Variants in LRRTM4 observed in about 807,000 individuals in gnomAD.
The protein encoded by LRRTM4 is leucine rich repeat transmembrane neuronal 4.
A neutral mutation model predicts 47.6 loss-of-function variants in LRRTM4; 25 were observed. That is an observed-to-expected ratio of 0.53 (90% CI 0.38 to 0.73). The LOEUF is 0.73. Ranked by LOEUF, LRRTM4 falls within the 30% of genes least tolerant of loss-of-function variation. The pLI is 0.00. For missense variants in LRRTM4, 638 were observed against 713.4 expected (o/e 0.89, Z 1.20); for synonymous variants, 311 against 269.5 (o/e 1.15, Z -1.51).
At chr2:77,333,206 A>C (rs72915935) in intron 3 of LRRTM4, among the ~76,000 whole-genome samples, 9,789 of 152,230 alleles carry the variant, frequency 0.064, 486 homozygotes, top group African/African-American at 0.13. Flanking sequence ...TCTTAACAGC[A>C]GAGTGAAAGG....
intron 3 of LRRTM4, among the ~76,000 whole-genome samples, chr2:76,843,972 GCTCACTGCAAGCTCTGCCT>G: frequency 6.7e-6 from 1 of 150,258 alleles, no homozygotes; most frequent in Non-Finnish European, 1.5e-5. Flanking sequence ...CGTGATCTCG[GCTCACTGCAAGCTCTGCCT>G]CTCAGGTTCA....
At chr2:76,908,662 T>A (rs554748593) in intron 3 of LRRTM4, among the ~76,000 whole-genome samples, 2 of 152,036 alleles carry the variant, frequency 1.3e-5, no homozygotes, top group Non-Finnish European at 2.9e-5. Flanking sequence ...ACACAAAATC[T>A]CTGTACAAAA....
At chr2:77,492,582 C>T (rs1678210495) in intron 3 of LRRTM4, among the ~76,000 whole-genome samples, 1 of 151,938 alleles carries the variant, frequency 6.6e-6, no homozygotes, top group African/African-American at 2.4e-5. Flanking sequence ...CTAATTGGTG[C>T]TATTTCCAAG....
At chr2:77,269,161 T>C (rs1395855932) in intron 3 of LRRTM4, among the ~76,000 whole-genome samples, 2 of 152,202 alleles carry the variant, frequency 1.3e-5, no homozygotes, top group Non-Finnish European at 2.9e-5. Context: ...CTATGTTTAG[T>C]TTAGAATTTC....
chr2:77,425,182 A>C lies in LRRTM4; in HGVS notation c.1551+93136T>G, dbSNP rs549477812. Among the ~76,000 whole-genome samples the C allele has an allele frequency of 1.1e-4, 16 of 152,176 alleles. No individual in the cohort carries two copies. In the East Asian group the frequency reaches 2.9e-3, roughly 28 times the overall value. On this transcript the variant is annotated intron_variant, in intron 3 of 3. Transcript: ENST00000409884. ...TTTTATTCATTCAGAGTAAACCAAC[A>C]TCTGAAAATTAAGGACCAAGTTAGA...
intron 3 of LRRTM4, among the ~76,000 whole-genome samples, chr2:77,375,532 A>T (rs1443752454): frequency 2.6e-5 from 4 of 151,830 alleles, no homozygotes; most frequent in African/African-American, 9.7e-5. Flanking sequence ...TGTATAGCAG[A>T]TCTCTAGAAC....
intron 3 of LRRTM4, among the ~76,000 whole-genome samples, chr2:76,979,525 G>A (rs1676526226): frequency 2.1e-5 from 2 of 94,942 alleles, no homozygotes; most frequent in African/African-American, 7.0e-5. Context: ...AATTCAGACT[G>A]CAAAACTGAA....
intron 3 of LRRTM4, among the ~76,000 whole-genome samples, chr2:77,234,182 G>C (rs1339459395): frequency 6.6e-6 from 1 of 151,974 alleles, no homozygotes; most frequent in African/African-American, 2.4e-5. Flanking sequence ...TATTGAATTG[G>C]GTTATGAAAA....
At chr2:76,753,866 C>T (rs1047829194) in intron 3 of LRRTM4, among the ~76,000 whole-genome samples, 3 of 151,996 alleles carry the variant, frequency 2.0e-5, no homozygotes, top group Admixed American at 6.6e-5. Flanking sequence ...CATGAAATTC[C>T]GATATTGTGA....
chr2:76,807,418 A>ATATACATATATATACG (rs1558667313), intron 3 of LRRTM4, among the ~76,000 whole-genome samples: 41 of 84,582 alleles, frequency 4.8e-4, no homozygotes, highest in African/African-American at 2.4e-3. Context: ...GTATATATAT[A>ATATACATATATATACG]TATATACATA....
intron 3 of LRRTM4, among the ~76,000 whole-genome samples, chr2:76,920,108 T>C (rs1674386167): frequency 6.6e-6 from 1 of 152,164 alleles, no homozygotes; most frequent in Admixed American, 6.6e-5. Flanking sequence ...TTTTAAAACG[T>C]AATATGAGAT....
chr2:77,454,950 G>C (rs1676466414), intron 3 of LRRTM4, among the ~76,000 whole-genome samples: 1 of 152,084 alleles, frequency 6.6e-6, no homozygotes, highest in Non-Finnish European at 1.5e-5. Context: ...CACTTTGGGA[G>C]GCTGAGGCAG....
chr2:77,297,056 A>T (rs1474485199), intron 3 of LRRTM4, among the ~76,000 whole-genome samples: 1 of 151,816 alleles, frequency 6.6e-6, no homozygotes, highest in Non-Finnish European at 1.5e-5. Flanking sequence ...GGCATTAGTA[A>T]ATCTTCTTAT....
intron 3 of LRRTM4, among the ~76,000 whole-genome samples, chr2:77,138,116 C>G (rs762189687): frequency 6.6e-6 from 1 of 152,158 alleles, no homozygotes; most frequent in Non-Finnish European, 1.5e-5. Context: ...AGCTCTGCAC[C>G]AAGTGGAACT....
At position 77,323,807 on chromosome 2, in the gene LRRTM4, A is replaced by G. The variant is rs58961761; in HGVS notation, c.1551+194511T>C. On this transcript the variant is annotated intron_variant, in intron 3 of 3. Transcript: ENST00000409884. Reference sequence around the variant, plus strand: ...TGGGCTTAAACTTTGATGTCACACTATCTAGCTGTGTGGTCTTGGGCGAGT... The same window carrying G: ...TGGGCTTAAACTTTGATGTCACACTGTCTAGCTGTGTGGTCTTGGGCGAGT... Among the ~76,000 whole-genome samples the G allele has an allele frequency of 9.8e-3, 1,494 of 152,176 alleles. 33 individuals are homozygous for G. The highest frequency in any genetic ancestry group is 0.034 in the African/African-American group (1,427 of 41,526).
intron 3 of LRRTM4, among the ~76,000 whole-genome samples, chr2:77,370,591 A>G (rs1672622950): frequency 6.6e-6 from 1 of 151,724 alleles, no homozygotes; most frequent in Non-Finnish European, 1.5e-5. Context: ...GTTTAGAAAT[A>G]TGTCTGTGGA....
At chr2:76,832,189 T>G (rs1400911947) in intron 3 of LRRTM4, among the ~76,000 whole-genome samples, 3 of 152,130 alleles carry the variant, frequency 2.0e-5, no homozygotes, top group Admixed American at 6.6e-5. Flanking sequence ...TTGCCTTGTT[T>G]AGCATGTCTG....
chr2:77,059,448 A>G (rs933155216), intron 3 of LRRTM4, among the ~76,000 whole-genome samples: 2 of 150,104 alleles, frequency 1.3e-5, no homozygotes, highest in African/African-American at 5.0e-5. Context: ...GTAATGGCTT[A>G]TATTTGGCCT....
chr2:77,205,173 T>TA (rs1674087356), intron 3 of LRRTM4, among the ~76,000 whole-genome samples: 1 of 152,220 alleles, frequency 6.6e-6, no homozygotes, highest in Non-Finnish European at 1.5e-5. Flanking sequence ...GAGTACCACT[T>TA]ATCTTAGATT....
Sources: gnomAD v4.1 joint callset for allele counts (sites outside exome capture counted in the v4.1 genomes callset) on GRCh38, gnomAD v4.1.1 for gene constraint, MANE v1.5 for transcripts, NCBI Gene and HGNC (gene_info 2026-07-23, HGNC 2026-07-21) for gene names.